Variants in LINGO2 observed in about 807,000 individuals in gnomAD.
LINGO2 encodes the protein leucine rich repeat and Ig domain containing 2, also known as leucine-rich repeat and immunoglobulin-like domain-containing nogo receptor-interacting protein 2.
In LINGO2, 14 loss-of-function variants were observed where a neutral mutation model predicts 30.6. The ratio of observed to expected loss-of-function variants is 0.46; its 90% CI spans 0.30 to 0.72. The LOEUF (loss-of-function observed/expected upper bound fraction) is 0.72. Among genes scored for constraint, LINGO2 ranks in the 30% least tolerant of loss-of-function variants. LINGO2 has a pLI of 0.07. For synonymous variants in LINGO2, 317 were observed against 288.5 expected, an observed-to-expected ratio of 1.10 and a Z score of -1.00; for missense variants, 729 against 751.7, an observed-to-expected ratio of 0.97 and a Z score of 0.35.
chr9:29,121,784 G>C, the LINGO2 span, among the ~76,000 whole-genome samples: 5 of 151,968 alleles, frequency 3.3e-5, no homozygotes, highest in African/African-American at 1.2e-4. Flanking sequence ...CTATTAAAAG[G>C]TCATATGACA....
intron 1 of LINGO2, among the ~76,000 whole-genome samples, chr9:28,591,118 T>C (rs1211406914): frequency 2.8e-5 from 4 of 142,282 alleles, no homozygotes; most frequent in Admixed American, 2.2e-4. Context: ...TGAGAACACA[T>C]GGACACAGGA....
At chr9:28,287,347 T>C (rs972037496) in intron 4 of LINGO2, among the ~76,000 whole-genome samples, 2 of 152,312 alleles carry the variant, frequency 1.3e-5, no homozygotes, top group Admixed American at 6.5e-5. Flanking sequence ...CTCCAGCTCA[T>C]TAGAGGATTA....
intron 1 of LINGO2, among the ~76,000 whole-genome samples, chr9:28,499,030 A>T (rs1463292862): frequency 6.6e-6 from 1 of 152,182 alleles, no homozygotes; most frequent in Non-Finnish European, 1.5e-5. Flanking sequence ...ACCTATATTC[A>T]TAATATCTGC....
chr9:28,441,251 C>CTTTTT lies in LINGO2; in HGVS notation c.-279+34684_-279+34688dup, dbSNP rs72213590. Among the ~76,000 whole-genome samples, 80 of 36,284 alleles carry CTTTTT rather than the reference C, an allele frequency of 2.2e-3. 18 individuals are homozygous for CTTTTT. Among genetic ancestry groups the CTTTTT allele is most frequent in the Non-Finnish European group, 3.1e-3 (58 of 18,762 alleles). The allele number at this position is 36,284 out of a possible 152,430, so 23.8% of individuals were successfully genotyped here. ...TATAGCAGTATAAATTCATTGGAGG[C>CTTTTT]TTTTTTTTTTTTTTTTTTTTTTTTT... On this transcript the variant is annotated intron_variant, in intron 2 of 5. Coordinates refer to ENST00000379992, the Ensembl canonical transcript of LINGO2.
intron 4 of LINGO2, among the ~76,000 whole-genome samples, chr9:28,251,004 G>C (rs1822178285): frequency 6.6e-6 from 1 of 151,968 alleles, no homozygotes; most frequent in African/African-American, 2.4e-5. Flanking sequence ...CCTCCACCTG[G>C]CAATCACAAG....
At chr9:29,112,130 A>G in the LINGO2 span, among the ~76,000 whole-genome samples, 5 of 150,610 alleles carry the variant, frequency 3.3e-5, no homozygotes, top group African/African-American at 1.2e-4. Context: ...ATTATAGAAA[A>G]TCAAATACGA....
the LINGO2 span, among the ~76,000 whole-genome samples, chr9:28,900,120 G>C: frequency 6.6e-6 from 1 of 151,968 alleles, no homozygotes; most frequent in South Asian, 2.1e-4. Flanking sequence ...CCTGGTTCCA[G>C]GCACCAGGCC....
chr9:28,691,516 A>G, the LINGO2 span, among the ~76,000 whole-genome samples: 2 of 152,068 alleles, frequency 1.3e-5, no homozygotes, highest in South Asian at 2.1e-4. Context: ...GCAAAACCTT[A>G]TATCATAATC....
intron 4 of LINGO2, among the ~76,000 whole-genome samples, chr9:28,126,942 C>G (rs1317332363): frequency 6.6e-6 from 1 of 152,142 alleles, no homozygotes; most frequent in Non-Finnish European, 1.5e-5. Flanking sequence ...TAAATGTATA[C>G]CTAACATTTT....
chr9:28,407,775 C>T (rs959939192), intron 2 of LINGO2, among the ~76,000 whole-genome samples: 6 of 152,116 alleles, frequency 3.9e-5, no homozygotes, highest in African/African-American at 1.4e-4. Context: ...ATTATATTTA[C>T]TGAATCACTA....
At chr9:27,950,618 C>T in exon 6 of LINGO2, 2 of 1,517,280 alleles carry the variant, frequency 1.3e-6, no homozygotes, top group Non-Finnish European at 1.8e-6. Context: ...TGAAGATTAA[C>T]ACCACAGCCA....
chr9:28,487,809 A>G lies in LINGO2; in HGVS notation c.-364-11784T>C, dbSNP rs191333671. Among the ~76,000 whole-genome samples the G allele has an allele frequency of 3.0e-3, 461 of 152,266 alleles. 4 individuals carry two copies. Among genetic ancestry groups the G allele is most frequent in the African/African-American group, 0.011 (441 of 41,566 alleles). Reference sequence around the variant, plus strand: ...CTGCAGCCATTAACCGAAACTCATTAATTAGAAAATAAAATTATGGAATAT... The same window carrying G: ...CTGCAGCCATTAACCGAAACTCATTGATTAGAAAATAAAATTATGGAATAT... On this transcript the variant is annotated intron_variant, in intron 1 of 5. Transcript: ENST00000379992.
Position 28,206,164 on chromosome 9 carries a change from CAAAAAA to C in LINGO2, c.-87+89038_-87+89043del, listed in dbSNP as rs34169188. On this transcript the variant is annotated intron_variant, in intron 4 of 5. Transcript: ENST00000379992. ...TGAGTGACAGAGTGAGACCCTGTTT[CAAAAAA>C]AAAAAAAAAAAAAAAAAAAAGGAGG... Among the ~76,000 whole-genome samples the C allele has an allele frequency of 6.8e-5, 5 of 73,526 alleles. No homozygotes were observed. The East Asian group carries it at 1.8e-3, about 27-fold the overall frequency. 48.2% of individuals were successfully genotyped at this position (73,526 alleles called of 152,430 possible). A position where few individuals can be genotyped will look rare whatever the true frequency, so the allele number is the denominator to read the frequency against.
chr9:28,040,160 A>AT (rs925152099), intron 4 of LINGO2, among the ~76,000 whole-genome samples: 117 of 151,646 alleles, frequency 7.7e-4, no homozygotes, highest in Non-Finnish European at 1.0e-3. Context: ...TGCCTTCTTT[A>AT]TTTTTTTTGC....
the LINGO2 span, among the ~76,000 whole-genome samples, chr9:28,964,202 T>G: frequency 1.3e-5 from 2 of 151,850 alleles, no homozygotes; most frequent in Non-Finnish European, 2.9e-5. Context: ...GAATATCCAG[T>G]TCAGAAGTTA....
the LINGO2 span, among the ~76,000 whole-genome samples, chr9:28,905,521 T>A: frequency 6.6e-6 from 1 of 151,890 alleles, no homozygotes; most frequent in Admixed American, 6.6e-5. Flanking sequence ...GATATAGAAA[T>A]GGACAAATTT....
At chr9:28,060,605 T>C (rs554564169) in intron 4 of LINGO2, among the ~76,000 whole-genome samples, 1 of 152,300 alleles carries the variant, frequency 6.6e-6, no homozygotes, top group African/African-American at 2.4e-5. Flanking sequence ...ATTATTATTA[T>C]ACAACCCTGC....
chr9:28,302,794 T>G (rs925548270), intron 3 of LINGO2, among the ~76,000 whole-genome samples: 15 of 152,144 alleles, frequency 9.9e-5, no homozygotes, highest in African/African-American at 3.6e-4. Context: ...CCATTGAGAA[T>G]TAGTGTGTCA....
At chr9:28,706,941 T>TA in the LINGO2 span, among the ~76,000 whole-genome samples, 16,337 of 151,988 alleles carry the variant, frequency 0.11, 1,067 homozygotes, top group East Asian at 0.2. Context: ...TAAATATATC[T>TA]AAAAAATCAC....
Sources: allele counts gnomAD v4.1 joint callset (sites outside exome capture counted in the v4.1 genomes callset), GRCh38; gene constraint gnomAD v4.1.1; transcripts MANE v1.5; gene names NCBI Gene and HGNC (gene_info 2026-07-23, HGNC 2026-07-21).